The following ERBB4 variants were observed in gnomAD, a reference collection of about 807,000 sequenced individuals.
ERBB4 encodes receptor tyrosine-protein kinase erbB-4.
Under a neutral mutation model 158.0 loss-of-function variants are expected in ERBB4, and 42 were observed. That is an observed-to-expected ratio of 0.27 (90% CI 0.21 to 0.34). ERBB4 has a LOEUF of 0.34. Ranked by LOEUF, ERBB4 falls within the 10% of genes least tolerant of loss-of-function variation. The pLI, the probability that ERBB4 is intolerant of heterozygous loss-of-function variation, is 1.00. For missense variants in ERBB4, 1,333 were observed against 1,624.1 expected (o/e 0.82, Z 3.08); for synonymous variants, 583 against 558.7 (o/e 1.04, Z -0.61).
intron 20 of ERBB4, among the ~76,000 whole-genome samples, chr2:211,516,302 G>A (rs1323786998): frequency 1.3e-5 from 2 of 150,600 alleles, no homozygotes; most frequent in Non-Finnish European, 3.0e-5. Context: ...TCTTTTGTGG[G>A]TTTGTTAAAA....
At chr2:211,737,372 C>T (rs998792858) in intron 5 of ERBB4, among the ~76,000 whole-genome samples, 2 of 152,124 alleles carry the variant, frequency 1.3e-5, no homozygotes, top group African/African-American at 4.8e-5. Flanking sequence ...TCATATTCTC[C>T]TCCTTCAGAA....
intron 2 of ERBB4, among the ~76,000 whole-genome samples, chr2:211,951,116 T>C (rs2080863234): frequency 1.3e-5 from 2 of 152,172 alleles, no homozygotes; most frequent in South Asian, 2.1e-4. Flanking sequence ...CTACAACATA[T>C]GATAAGATCC....
chr2:212,322,754 T>A (rs949860727), intron 1 of ERBB4, among the ~76,000 whole-genome samples: 4 of 150,560 alleles, frequency 2.7e-5, no homozygotes, highest in Non-Finnish European at 1.5e-5. Context: ...AAATGATCAC[T>A]CAAGCATTTG....
At position 211,722,424 on chromosome 2, in the gene ERBB4, T is replaced by C; in HGVS notation, c.852A>G (p.Thr284=). 6 of 1,613,946 alleles carry C rather than the reference T, an allele frequency of 3.7e-6. No homozygotes were observed. Among genetic ancestry groups the C allele is most frequent in the Non-Finnish European group, 5.1e-6 (6 of 1,179,804 alleles). The change falls in exon 7 of 28, where the codon ACA becomes ACG. Residue 284 remains threonine, a synonymous_variant. Coordinates refer to ENST00000342788, the MANE Select transcript of ERBB4 (RefSeq NM_005235.3). ...QLEHNFNAKY[T]YGAFCVKKCP... ...ATTTCTTGACACAGAATGCTCCATA[T>C]GTGTACTTTGCATTGAAATTGTGCT...
At chr2:211,775,273 G>A (rs556178397) in intron 4 of ERBB4, among the ~76,000 whole-genome samples, 12 of 152,230 alleles carry the variant, frequency 7.9e-5, no homozygotes, top group South Asian at 6.2e-4. Flanking sequence ...TGAGTAGCTC[G>A]TCTGGTTTTG....
intron 19 of ERBB4, among the ~76,000 whole-genome samples, chr2:211,596,226 A>T (rs2068626203): frequency 6.6e-6 from 1 of 152,204 alleles, no homozygotes; most frequent in Non-Finnish European, 1.5e-5. Context: ...AGCAAAAAAA[A>T]AAAGTCTGAA....
intron 1 of ERBB4, among the ~76,000 whole-genome samples, chr2:212,324,247 T>C (rs60705481): frequency 0.015 from 2,287 of 150,746 alleles, 82 homozygotes; most frequent in African/African-American, 0.053. Flanking sequence ...CCCGTATTAC[T>C]CTAAACTTCC....
At chr2:212,285,549 A>C (rs1244097353) in intron 1 of ERBB4, among the ~76,000 whole-genome samples, 1 of 152,182 alleles carries the variant, frequency 6.6e-6, no homozygotes. Context: ...TAAGCCAGTT[A>C]TTTGAGCAGG....
intron 1 of ERBB4, among the ~76,000 whole-genome samples, chr2:212,260,812 C>CA (rs1256585783): frequency 6.8e-6 from 1 of 147,312 alleles, no homozygotes; most frequent in Non-Finnish European, 1.5e-5. Context: ...GACTCTGTCT[C>CA]AAAAAAATAA....
chr2:212,386,032 C>A (rs115521237), intron 1 of ERBB4, among the ~76,000 whole-genome samples: 1 of 151,776 alleles, frequency 6.6e-6, no homozygotes, highest in Non-Finnish European at 1.5e-5. Context: ...CAGCGAAGAC[C>A]AGTCACTCTC....
At chr2:212,119,866 G>C (rs1292424895) in intron 2 of ERBB4, among the ~76,000 whole-genome samples, 1 of 152,148 alleles carries the variant, frequency 6.6e-6, no homozygotes, top group Non-Finnish European at 1.5e-5. Context: ...ATTAAGGAAA[G>C]TATCTACAAA....
chr2:211,950,679 T>C (rs2080849875), intron 2 of ERBB4, among the ~76,000 whole-genome samples: 1 of 152,146 alleles, frequency 6.6e-6, no homozygotes, highest in Admixed American at 6.6e-5. Flanking sequence ...ATGGAATTAC[T>C]CATATCTGGC....
In ERBB4 at chr2:212,134,681, T is replaced by C. The variant is rs988077705; in HGVS notation, c.83-9778A>G. On this transcript the variant is annotated intron_variant, in intron 1 of 27. Coordinates refer to ENST00000342788, the MANE Select transcript of ERBB4 (RefSeq NM_005235.3). Reference sequence around the variant, plus strand: ...TGAAATTAACTAAACACTTTCTTTTTTTTTTTTTTTTTTTTTTTTTGAGAT... The same window carrying C: ...TGAAATTAACTAAACACTTTCTTTTCTTTTTTTTTTTTTTTTTTTTGAGAT... Among the ~76,000 whole-genome samples the C allele has an allele frequency of 9.0e-3, 1,199 of 133,806 alleles. 4 individuals are homozygous for C. The highest frequency in any genetic ancestry group is 0.033 in the African/African-American group (1,150 of 35,020). The allele number at this position is 133,806 out of a possible 152,430, so 87.8% of individuals were successfully genotyped here.
At chr2:212,526,289 T>C (rs1692442562) in intron 1 of ERBB4, among the ~76,000 whole-genome samples, 1 of 152,018 alleles carries the variant, frequency 6.6e-6, no homozygotes, top group African/African-American at 2.4e-5. Flanking sequence ...CTCTGGCTCA[T>C]GGTGTGCTAA....
intron 25 of ERBB4, among the ~76,000 whole-genome samples, chr2:211,420,148 G>A (rs1475336247): frequency 6.6e-6 from 1 of 151,922 alleles, no homozygotes; most frequent in Non-Finnish European, 1.5e-5. Flanking sequence ...TTTATTAGTT[G>A]GAATTGTTTT....
intron 1 of ERBB4, among the ~76,000 whole-genome samples, chr2:212,207,119 G>C (rs1447034428): frequency 6.6e-6 from 1 of 151,824 alleles, no homozygotes; most frequent in East Asian, 1.9e-4. Context: ...TTCCAGAAAA[G>C]CCATCTCCTC....
chr2:212,199,914 G>A (rs2082543414), intron 1 of ERBB4, among the ~76,000 whole-genome samples: 1 of 152,176 alleles, frequency 6.6e-6, no homozygotes, highest in African/African-American at 2.4e-5. Context: ...AAAGATATTA[G>A]TGGACAACAA....
At chr2:211,691,872 A>C (rs766181629) in intron 12 of ERBB4, among the ~76,000 whole-genome samples, 1 of 151,996 alleles carries the variant, frequency 6.6e-6, no homozygotes, top group Non-Finnish European at 1.5e-5. Context: ...TGAGATGGAG[A>C]AGGGACAGAT....
chr2:211,675,791 A>G (rs1259136330), intron 13 of ERBB4, among the ~76,000 whole-genome samples: 1 of 100,372 alleles, frequency 1.0e-5, no homozygotes, highest in African/African-American at 3.8e-5. Flanking sequence ...AAAATATAAT[A>G]TTATATATAT....
Sources: allele counts gnomAD v4.1 joint callset (sites outside exome capture counted in the v4.1 genomes callset), GRCh38; gene constraint gnomAD v4.1.1; transcripts MANE v1.5; gene names NCBI Gene and HGNC (gene_info 2026-07-23, HGNC 2026-07-21).